Variants in MMP16 observed in about 807,000 individuals in gnomAD.
MMP16 encodes matrix metalloproteinase-16.
MMP16 carries 12 observed loss-of-function variants against 67.8 expected under a neutral mutation model. The ratio of observed to expected loss-of-function variants is 0.18; its 90% CI spans 0.11 to 0.29. MMP16 has a LOEUF of 0.29. Among genes scored for constraint, MMP16 ranks in the 10% least tolerant of loss-of-function variants. The pLI is 1.00. For synonymous variants in MMP16, 249 were observed against 255.9 expected (o/e 0.97, Z 0.26); for missense variants, 475 against 765.7 (o/e 0.62, Z 4.48).
intron 4 of MMP16, among the ~76,000 whole-genome samples, chr8:88,156,453 G>A (rs1283300173): frequency 1.3e-5 from 2 of 152,112 alleles, no homozygotes; most frequent in South Asian, 2.1e-4. Flanking sequence ...AACAGACTTA[G>A]GGAGGAGGGC....
intron 6 of MMP16, among the ~76,000 whole-genome samples, chr8:88,094,491 T>C (rs936687018): frequency 3.3e-5 from 5 of 151,690 alleles, no homozygotes; most frequent in African/African-American, 9.7e-5. Flanking sequence ...ATTATAAACA[T>C]GAAGTACACA....
intron 4 of MMP16, among the ~76,000 whole-genome samples, chr8:88,131,311 C>T (rs1459430085): frequency 6.8e-6 from 1 of 148,004 alleles, no homozygotes; most frequent in African/African-American, 2.5e-5. Context: ...CCATAAATTT[C>T]ATCACCTAAA....
At chr8:88,128,108 C>T (rs1368288413) in intron 4 of MMP16, among the ~76,000 whole-genome samples, 1 of 151,842 alleles carries the variant, frequency 6.6e-6, no homozygotes, top group East Asian at 1.9e-4. Context: ...TACCTGCATG[C>T]TGCGGAGAAC....
rs73282674 is a variant in MMP16, at chr8:88,287,136, C to T, written c.132+39939G>A. 4.0e-3 allele frequency among the ~76,000 whole-genome samples: 608 copies of T among 152,242 alleles called. 5 individuals carry two copies. The highest frequency in any genetic ancestry group is 0.013 in the African/African-American group (558 of 41,546). Reference sequence around the variant, plus strand: ...GAGGACTATGAAAGCTTAAGTTGCTCGGAGATAAAAGACAAAGCCACTTAA... The same window carrying T: ...GAGGACTATGAAAGCTTAAGTTGCTTGGAGATAAAAGACAAAGCCACTTAA... On this transcript the variant is annotated intron_variant, in intron 1 of 9. Transcript: ENST00000286614.
chr8:88,113,646 T>C (rs537582071), intron 6 of MMP16, among the ~76,000 whole-genome samples: 1 of 151,974 alleles, frequency 6.6e-6, no homozygotes, highest in South Asian at 2.1e-4. Flanking sequence ...GAGGAGAAAT[T>C]AGGAGACCAA....
intron 4 of MMP16, among the ~76,000 whole-genome samples, chr8:88,150,384 A>C (rs200693991): frequency 1.1e-3 from 110 of 97,388 alleles, no homozygotes; most frequent in East Asian, 4.6e-3. Flanking sequence ...ACTCCTCGAG[A>C]AGAGCAACTC....
chr8:88,077,824 C>A (rs944512696), intron 6 of MMP16, among the ~76,000 whole-genome samples: 8 of 152,074 alleles, frequency 5.3e-5, no homozygotes, highest in Admixed American at 3.9e-4. Flanking sequence ...CATAAAAATT[C>A]TATTTGAAAA....
chr8:88,267,573 C>A (rs938594211), intron 1 of MMP16, among the ~76,000 whole-genome samples: 6 of 152,186 alleles, frequency 3.9e-5, no homozygotes, highest in Non-Finnish European at 8.8e-5. Flanking sequence ...TGGGCACCTA[C>A]TAAATGCTCA....
At chr8:88,247,991 A>C (rs1426089265) in intron 1 of MMP16, among the ~76,000 whole-genome samples, 3 of 152,008 alleles carry the variant, frequency 2.0e-5, no homozygotes, top group Non-Finnish European at 4.4e-5. Context: ...TGAATTGGGG[A>C]GTGGGCACCA....
intron 4 of MMP16, among the ~76,000 whole-genome samples, chr8:88,141,472 T>A (rs1035672913): frequency 5.9e-5 from 9 of 152,222 alleles, no homozygotes; most frequent in African/African-American, 2.4e-5. Context: ...TCTGTGTGCC[T>A]GCTGTGCAGC....
At chr8:88,094,308 T>C (rs564782410) in intron 6 of MMP16, among the ~76,000 whole-genome samples, 2 of 151,876 alleles carry the variant, frequency 1.3e-5, no homozygotes, top group South Asian at 4.1e-4. Context: ...ACCAAAATTA[T>C]ATATAGACTA....
intron 4 of MMP16, among the ~76,000 whole-genome samples, chr8:88,141,059 G>A (rs900512432): frequency 5.3e-5 from 8 of 152,048 alleles, no homozygotes; most frequent in Admixed American, 1.3e-4. Context: ...CTGCTAGCCT[G>A]GTACCCAAAT....
Position 88,322,236 on chromosome 8 carries a change from G to A in MMP16, c.132+4839C>T, listed in dbSNP as rs191136995. ...TTAGAAAAGATGAACAGATTTCAGCGAACGTGATGTTGTAAAAGAAGGTGT... is the reference window on the plus strand; with the variant it reads ...TTAGAAAAGATGAACAGATTTCAGCAAACGTGATGTTGTAAAAGAAGGTGT... On this transcript the variant is annotated intron_variant, in intron 1 of 9. Transcript: ENST00000286614. Among the ~76,000 whole-genome samples the A allele has an allele frequency of 1.7e-4, 26 of 152,176 alleles. No individual in the cohort carries two copies. The East Asian group carries it at 4.5e-3, about 26-fold the overall frequency.
intron 3 of MMP16, among the ~76,000 whole-genome samples, chr8:88,174,800 G>T (rs1808859664): frequency 6.6e-6 from 1 of 151,094 alleles, no homozygotes; most frequent in African/African-American, 2.4e-5. Flanking sequence ...TCTTGTCCAG[G>T]CTGGCGTGCA....
intron 1 of MMP16, among the ~76,000 whole-genome samples, chr8:88,289,818 T>G (rs768467492): frequency 9.2e-5 from 14 of 151,476 alleles, no homozygotes; most frequent in Non-Finnish European, 1.6e-4. Flanking sequence ...AAAAAAAAAT[T>G]CACAAGTGTT....
chr8:88,102,116 A>C (rs140622395), intron 6 of MMP16, among the ~76,000 whole-genome samples: 1 of 151,958 alleles, frequency 6.6e-6, no homozygotes, highest in East Asian at 2.0e-4. Flanking sequence ...AAATATGTGG[A>C]GCTTTGTCCC....
At chr8:88,162,051 C>T (rs938968025) in intron 4 of MMP16, among the ~76,000 whole-genome samples, 2 of 151,810 alleles carry the variant, frequency 1.3e-5, no homozygotes, top group African/African-American at 4.8e-5. Flanking sequence ...TTATTAACAA[C>T]TCTATATTAT....
At chr8:88,211,577 C>T (rs1227952522) in intron 1 of MMP16, among the ~76,000 whole-genome samples, 3 of 152,108 alleles carry the variant, frequency 2.0e-5, no homozygotes, top group African/African-American at 7.2e-5. Context: ...TTAAACACAA[C>T]TTGAAAAGCC....
intron 1 of MMP16, among the ~76,000 whole-genome samples, chr8:88,231,419 T>C (rs1302866903): frequency 9.9e-5 from 15 of 152,206 alleles, no homozygotes; most frequent in Admixed American, 9.8e-4. Context: ...TCCAAAATTA[T>C]TTGGTTTCTC....
Sources: allele counts gnomAD v4.1 joint callset (sites outside exome capture counted in the v4.1 genomes callset), GRCh38; gene constraint gnomAD v4.1.1; transcripts MANE v1.5; gene names NCBI Gene and HGNC (gene_info 2026-07-23, HGNC 2026-07-21).